Variants in MYO3B observed in about 807,000 individuals in gnomAD.
MYO3B encodes the protein myosin IIIB, also known as myosin-IIIb.
In MYO3B, 156 loss-of-function variants were observed where a neutral mutation model predicts 174.6. The observed-to-expected ratio is 0.89, with a 90% CI of 0.78 to 1.02. The LOEUF (loss-of-function observed/expected upper bound fraction) is 1.02, where lower values mean the gene tolerates loss of function less well. MYO3B is among the 50% of genes least tolerant of loss of function. The pLI is 0.00. For missense variants in MYO3B, 1,632 were observed against 1,639.4 expected (o/e 1.00, Z 0.08); for synonymous variants, 563 against 569.1 (o/e 0.99, Z 0.15).
Position 170,330,542 on chromosome 2 carries a change from C to G in MYO3B, c.750-4843C>G, listed in dbSNP as rs114019884. ...AGGATTATTGCAATGTTTGGTTGAC[C>G]TACATGTGAAGCACTTGGCATGAAG... On this transcript the variant is annotated intron_variant, in intron 7 of 34. Transcript: ENST00000408978. Among the ~76,000 whole-genome samples the G allele has an allele frequency of 7.5e-3, 1,141 of 152,194 alleles. 16 individuals are homozygous for G. Among genetic ancestry groups the G allele is most frequent in the African/African-American group, 0.026 (1,064 of 41,502 alleles).
At chr2:170,285,009 G>A (rs892101280) in intron 7 of MYO3B, among the ~76,000 whole-genome samples, 1 of 152,132 alleles carries the variant, frequency 6.6e-6, no homozygotes, top group African/African-American at 2.4e-5. Flanking sequence ...ATCATGTTTT[G>A]AAAACTTATC....
Position 170,404,397 on chromosome 2 carries a change from G to A in MYO3B, c.2428G>A (p.Val810Ile). Residue 810 changes from valine (V) to isoleucine (I), a missense_variant, in exon 20 of 35, where the codon GTT becomes ATT. Transcript: ENST00000408978. ...RFPQATDQTLVDKFEDNLRCK... is the reference protein window; with the variant it reads ...RFPQATDQTLIDKFEDNLRCK... ...TCCCCAAGCAACTGACCAGACCCTGGTTGGTAGGTAACTTCTGAGAAACAG... is the reference window on the plus strand; with the variant it reads ...TCCCCAAGCAACTGACCAGACCCTGATTGGTAGGTAACTTCTGAGAAACAG... The A allele has an allele frequency of 2.5e-6, 4 of 1,607,160 alleles. No individual in the cohort carries two copies. The Middle Eastern group carries it at 5.0e-4, about 200-fold the overall frequency.
intron 20 of MYO3B, among the ~76,000 whole-genome samples, chr2:170,405,270 T>C (rs1326672147): frequency 2.0e-5 from 3 of 152,206 alleles, no homozygotes; most frequent in Non-Finnish European, 4.4e-5. Flanking sequence ...TGGCAGGGCC[T>C]CTGGTGTCAT....
intron 32 of MYO3B, among the ~76,000 whole-genome samples, chr2:170,603,866 A>G (rs115230817): frequency 1.6e-3 from 239 of 152,380 alleles, no homozygotes; most frequent in African/African-American, 5.4e-3. Context: ...GTGATCAACA[A>G]TGAACCACAT....
chr2:170,437,507 G>A (rs1305598514), intron 22 of MYO3B, among the ~76,000 whole-genome samples: 6 of 151,946 alleles, frequency 3.9e-5, no homozygotes, highest in African/African-American at 1.2e-4. Context: ...TTATCTCTGC[G>A]GACACAAGGA....
At chr2:170,518,943 A>G (rs1028640925) in intron 29 of MYO3B, among the ~76,000 whole-genome samples, 18 of 152,376 alleles carry the variant, frequency 1.2e-4, no homozygotes, top group African/African-American at 3.8e-4. Flanking sequence ...GAAACTCATC[A>G]ATAAACTGTC....
Position 170,368,354 on chromosome 2 carries a change from G to A in MYO3B, c.816-868G>A, listed in dbSNP as rs188711621. The stretch of plus-strand genomic sequence containing the variant: ...GTAGATGTTAAAATTTCTTCCTCTC[G>A]CCAAGGGCAGGTACGCAGAATAGAA... On this transcript the variant is annotated intron_variant, in intron 8 of 34. Transcript: ENST00000408978. Among the ~76,000 whole-genome samples the A allele has an allele frequency of 5.9e-5, 9 of 152,276 alleles. No individual in the cohort carries two copies. In the East Asian group the frequency reaches 1.2e-3, roughly 20 times the overall value.
intron 24 of MYO3B, among the ~76,000 whole-genome samples, chr2:170,465,385 G>T (rs907729904): frequency 6.6e-6 from 1 of 152,140 alleles, no homozygotes; most frequent in Non-Finnish European, 1.5e-5. Flanking sequence ...GATTTTGCAT[G>T]AACTAATAGA....
At chr2:170,257,147 G>C (rs976903417) in intron 7 of MYO3B, among the ~76,000 whole-genome samples, 19 of 151,962 alleles carry the variant, frequency 1.3e-4, no homozygotes, top group Non-Finnish European at 2.8e-4. Context: ...CAATAATAGC[G>C]GGGGACTTCA....
intron 32 of MYO3B, among the ~76,000 whole-genome samples, chr2:170,616,484 A>C (rs1156809987): frequency 6.6e-6 from 1 of 152,156 alleles, no homozygotes; most frequent in Non-Finnish European, 1.5e-5. Flanking sequence ...TCCTGCATGC[A>C]ACTTTGTATT....
intron 22 of MYO3B, among the ~76,000 whole-genome samples, chr2:170,442,814 A>C (rs1311938103): frequency 5.3e-5 from 8 of 152,136 alleles, no homozygotes; most frequent in Non-Finnish European, 8.8e-5. Context: ...CATCCATGTC[A>C]CTACAAAGGA....
At chr2:170,628,689 C>A (rs1325795140) in intron 32 of MYO3B, among the ~76,000 whole-genome samples, 1 of 151,382 alleles carries the variant, frequency 6.6e-6, no homozygotes, top group Non-Finnish European at 1.5e-5. Context: ...CTCTTATATT[C>A]TTATAAATCA....
intron 32 of MYO3B, among the ~76,000 whole-genome samples, chr2:170,649,641 A>G (rs1229676454): frequency 1.3e-5 from 2 of 150,552 alleles, no homozygotes; most frequent in Admixed American, 1.3e-4. Flanking sequence ...AGCCTGGCCA[A>G]CATGATGAAA....
At chr2:170,525,768 G>GA (rs1553516471) in intron 30 of MYO3B, among the ~76,000 whole-genome samples, 1 of 152,234 alleles carries the variant, frequency 6.6e-6, no homozygotes, top group Non-Finnish European at 1.5e-5. Context: ...TGATGAGCCA[G>GA]AGAAACAGCC....
intron 32 of MYO3B, among the ~76,000 whole-genome samples, chr2:170,620,293 C>T (rs970661822): frequency 2.0e-5 from 3 of 152,130 alleles, no homozygotes; most frequent in Non-Finnish European, 4.4e-5. Flanking sequence ...ACTTCCATGA[C>T]ACATAACAGG....
Position 170,432,459 on chromosome 2 carries a change from A to G in MYO3B, c.2651-11508A>G, listed in dbSNP as rs117185001. 3.5e-4 allele frequency among the ~76,000 whole-genome samples: 54 copies of G among 152,212 alleles called. No individual in the cohort carries two copies. The East Asian group carries it at 7.7e-3, about 22-fold the overall frequency. On this transcript the variant is annotated intron_variant, in intron 22 of 34. Coordinates refer to ENST00000408978, the MANE Select transcript of MYO3B (RefSeq NM_138995.5). ...TAAAGAAAATATTTTTGTACATCTT[A>G]CAATGTGTGTTTTAAGCTAAGTGTT...
chr2:170,519,635 T>C, intron 30 of MYO3B, 95 bp downstream of exon 30: 2 of 1,071,156 alleles, frequency 1.9e-6, no homozygotes, highest in Non-Finnish European at 2.8e-6. Flanking sequence ...CAAGTATTTC[T>C]ACCACTATGG....
chr2:170,652,323 T>A (rs2105510532), intron 34 of MYO3B, among the ~76,000 whole-genome samples, 169 bp downstream of exon 34: 1 of 152,326 alleles, frequency 6.6e-6, no homozygotes, highest in African/African-American at 2.4e-5. Flanking sequence ...TATACAAAAC[T>A]TGAATCTATT....
intron 22 of MYO3B, among the ~76,000 whole-genome samples, chr2:170,409,300 G>C (rs764084763): frequency 3.2e-4 from 49 of 152,154 alleles, no homozygotes; most frequent in Non-Finnish European, 8.8e-5. Context: ...ACCCAACTGC[G>C]GGAGGAACAG....
Sources: allele counts gnomAD v4.1 joint callset (sites outside exome capture counted in the v4.1 genomes callset), GRCh38; gene constraint gnomAD v4.1.1; transcripts MANE v1.5; gene names NCBI Gene and HGNC (gene_info 2026-07-23, HGNC 2026-07-21).